The following PFKFB4 variants were observed in gnomAD, a reference collection of about 807,000 sequenced individuals.
PFKFB4 encodes the protein 6-phosphofructo-2-kinase/fructose-2,6-biphosphatase 4.
PFKFB4 carries 42 observed loss-of-function variants against 62.8 expected under a neutral mutation model. The observed-to-expected ratio is 0.67, with a 90% CI of 0.52 to 0.86. PFKFB4 has a LOEUF of 0.86. Among genes scored for constraint, PFKFB4 ranks in the 40% least tolerant of loss-of-function variants. The pLI is 0.00. For missense variants in PFKFB4, 475 were observed against 627.2 expected (o/e 0.76, Z 2.59); for synonymous variants, 204 against 240.7 (o/e 0.85, Z 1.41).
rs142013870 is a variant in PFKFB4 at position 48,526,488 on chromosome 3, G to A, written c.988-819C>T. Reference sequence around the variant, plus strand: ...CTCAGGAGGCTGAAGCAGGAGAATCGCATGTACCCAAGAGGTGGAGATTGC... The same window carrying A: ...CTCAGGAGGCTGAAGCAGGAGAATCACATGTACCCAAGAGGTGGAGATTGC... On this transcript the variant is annotated intron_variant, in intron 9 of 13. Transcript: ENST00000232375. Among the ~76,000 whole-genome samples, 33 of 144,738 alleles carry A rather than the reference G, an allele frequency of 2.3e-4. No homozygotes were observed. In the East Asian group the frequency reaches 6.7e-3, roughly 29 times the overall value. The allele number at this position is 144,738 out of a possible 152,430, so 95.0% of individuals were successfully genotyped here.
At chr3:48,541,873 TGA>T (rs2042810075) in intron 4 of PFKFB4, among the ~76,000 whole-genome samples, 1 of 151,010 alleles carries the variant, frequency 6.6e-6, no homozygotes, top group Non-Finnish European at 1.5e-5. Flanking sequence ...GGCTGAGGTG[TGA>T]GGATCACTTA....
At chr3:48,529,926 C>T (rs954295047) in intron 9 of PFKFB4, among the ~76,000 whole-genome samples, 3 of 152,044 alleles carry the variant, frequency 2.0e-5, no homozygotes, top group African/African-American at 7.2e-5. Flanking sequence ...TGCGCTCCAG[C>T]CTGGGTGACA....
At chr3:48,548,003 G>A (rs549838974) in intron 3 of PFKFB4, 3 of 152,218 alleles carry the variant, frequency 2.0e-5, no homozygotes, top group Admixed American at 2.0e-4. Context: ...GGGTTTCTAG[G>A]GCAGCCAGAG....
chr3:48,525,530 T>C, intron 10 of PFKFB4, 35 bp downstream of exon 10: 5 of 1,189,658 alleles, frequency 4.2e-6, no homozygotes, highest in South Asian at 1.4e-5. Context: ...AGGCGGGCAG[T>C]AGGTGGCTGG....
intron 9 of PFKFB4, among the ~76,000 whole-genome samples, chr3:48,530,772 T>C (rs1428481455): frequency 2.6e-5 from 4 of 152,134 alleles, no homozygotes; most frequent in Non-Finnish European, 4.4e-5. Context: ...TAGTGACATA[T>C]CTTGGCTCAC....
At chr3:48,545,200 C>T (rs185689574) in intron 3 of PFKFB4, among the ~76,000 whole-genome samples, 14 of 152,220 alleles carry the variant, frequency 9.2e-5, no homozygotes, top group African/African-American at 3.4e-4. Context: ...GGCATGATCT[C>T]AGCTCACTAC....
At position 48,556,610 on chromosome 3, in the gene PFKFB4, C is replaced by G; in HGVS notation, c.97+71G>C. 1 of 1,491,288 alleles carries G rather than the reference C, an allele frequency of 6.7e-7. No homozygotes were observed. 92.4% of individuals were successfully genotyped at this position (1,491,288 alleles called of 1,614,324 possible). On this transcript the variant is annotated intron_variant, in intron 1 of 13. Transcript: ENST00000232375. This position sits in a 1 kb window ranked among gnomAD's most constrained non-coding sequence, Gnocchi z 5.7. ...TCTCCCGCCCCTTCTCCATGCGAGA[C>G]CCCCGCCCAGGCCGCCCTACCCACC...
At chr3:48,554,343 G>T in intron 1 of PFKFB4, among the ~76,000 whole-genome samples, 1 of 152,202 alleles carries the variant, frequency 6.6e-6, no homozygotes, top group East Asian at 1.9e-4. Context: ...TGCATGGGCG[G>T]GTTCCATGTT....
At chr3:48,545,659 G>T (rs1174195976) in intron 3 of PFKFB4, among the ~76,000 whole-genome samples, 2 of 151,460 alleles carry the variant, frequency 1.3e-5, no homozygotes, top group African/African-American at 2.4e-5. Flanking sequence ...AAGAGACAGG[G>T]TCTCACTATG....
intron 3 of PFKFB4, among the ~76,000 whole-genome samples, chr3:48,545,084 T>C (rs574589495): frequency 2.0e-5 from 3 of 152,114 alleles, no homozygotes; most frequent in Non-Finnish European, 1.5e-5. Flanking sequence ...CCTTTTTATC[T>C]ATTATCTTCC....
chr3:48,535,292 G>A (rs962529241), intron 9 of PFKFB4, among the ~76,000 whole-genome samples: 1 of 151,970 alleles, frequency 6.6e-6, no homozygotes, highest in Non-Finnish European at 1.5e-5. Context: ...TGAGGTTGAG[G>A]TGTCAACTCC....
chr3:48,535,492 G>A lies in PFKFB4; in HGVS notation c.987+20C>T. On this transcript the variant is annotated intron_variant, in intron 9 of 13. Coordinates refer to ENST00000232375, the MANE Select transcript of PFKFB4 (RefSeq NM_004567.4). Reference sequence around the variant, plus strand: ...CTGCGGTATCTGGGAGGTAGACAGGGAGGGAGGGACGGTAACTACCGCATC... The same window carrying A: ...CTGCGGTATCTGGGAGGTAGACAGGAAGGGAGGGACGGTAACTACCGCATC... 1 of 1,602,338 alleles carries A rather than the reference G, an allele frequency of 6.2e-7. No homozygotes were observed. The highest frequency in any genetic ancestry group is 2.2e-5 in the East Asian group (1 of 44,706).
intron 13 of PFKFB4, among the ~76,000 whole-genome samples, 172 bp from the exon 14 acceptor site, chr3:48,519,978 T>G (rs1424496225): frequency 6.6e-6 from 1 of 152,160 alleles, no homozygotes; most frequent in African/African-American, 2.4e-5. Context: ...AAGAGCTTCG[T>G]GCCACATAGC....
chr3:48,557,431 C>T (rs1478230044), upstream of PFKFB4, among the ~76,000 whole-genome samples: 1 of 152,252 alleles, frequency 6.6e-6, no homozygotes, highest in Admixed American at 6.5e-5. Context: ...TCCATAGGAG[C>T]ATGCTCAACC....
At chr3:48,535,434 T>C in intron 9 of PFKFB4, 78 bp downstream of exon 9, 1 of 1,271,710 alleles carries the variant, frequency 7.9e-7, no homozygotes, top group Non-Finnish European at 1.1e-6. Context: ...AGGGGAGCAA[T>C]GGTCACTGTT....
In PFKFB4 at chr3:48,517,873, C is replaced by T. The variant is rs1414846107; in HGVS notation, c.*1874G>A. ...TGCGGAGACCATGCCAGGGCAGAGG[C>T]CGGGGGGTTGCCCCCACTCATGCCC... On this transcript the variant is annotated 3_prime_UTR_variant, in exon 14 of 14. Transcript: ENST00000232375. The T allele has an allele frequency of 1.3e-5, 2 of 152,630 alleles. No individual in the cohort carries two copies. The highest frequency in any genetic ancestry group is 4.8e-5 in the African/African-American group (2 of 41,460). 9.5% of individuals were successfully genotyped at this position (152,630 alleles called of 1,614,324 possible).
At chr3:48,562,749 C>T, upstream of PFKFB4, 1 of 1,500,410 alleles carries the variant, frequency 6.7e-7, no homozygotes, top group Non-Finnish European at 8.9e-7. This position sits in a 1 kb window ranked among gnomAD's most constrained non-coding sequence, Gnocchi z 4.3. Flanking sequence ...TCTTCCCATC[C>T]AGGGTGGCCC....
upstream of PFKFB4, chr3:48,562,987 C>A: frequency 1.9e-6 from 3 of 1,608,456 alleles, no homozygotes; most frequent in Non-Finnish European, 2.5e-6. The surrounding 1 kb of genome is among the most constrained non-coding windows in gnomAD (Gnocchi z 4.3). Flanking sequence ...CTGAGGGGCT[C>A]TCTGAGGCCG....
chr3:48,541,273 G>A (rs374278960), intron 4 of PFKFB4, among the ~76,000 whole-genome samples: 42 of 151,924 alleles, frequency 2.8e-4, no homozygotes, highest in African/African-American at 1.0e-3. Context: ...GACTACAAGC[G>A]CCTGCCACAA....
Sources: allele counts gnomAD v4.1 joint callset (sites outside exome capture counted in the v4.1 genomes callset), GRCh38; gene constraint gnomAD v4.1.1; non-coding constraint Gnocchi (gnomAD v3.1); transcripts MANE v1.5; gene names NCBI Gene and HGNC (gene_info 2026-07-23, HGNC 2026-07-21).